PAPSS2: variants seen among roughly 807,000 people sequenced by gnomAD.
PAPSS2 encodes bifunctional 3'-phosphoadenosine 5'-phosphosulfate synthase 2.
In PAPSS2, 61 loss-of-function variants were observed where a neutral mutation model predicts 66.5. That is an observed-to-expected ratio of 0.92 (90% CI 0.75 to 1.14). The LOEUF is 1.14. PAPSS2 is among the 50% of genes most tolerant of loss of function. The pLI, the probability that PAPSS2 is intolerant of heterozygous loss-of-function variation, is 0.00. For missense variants in PAPSS2, 708 were observed against 789.6 expected, an observed-to-expected ratio of 0.90 and a Z score of 1.24; for synonymous variants, 289 against 287.5, an observed-to-expected ratio of 1.01 and a Z score of -0.05.
chr10:87,683,412 A>G (rs1853049100), intron 1 of PAPSS2, among the ~76,000 whole-genome samples: 1 of 152,152 alleles, frequency 6.6e-6, no homozygotes, highest in Admixed American at 6.5e-5. Context: ...TGCCTGGCCC[A>G]CAGCTATTTC....
intron 2 of PAPSS2, among the ~76,000 whole-genome samples, chr10:87,711,516 C>T (rs1378354548): frequency 6.6e-6 from 1 of 152,170 alleles, no homozygotes; most frequent in African/African-American, 2.4e-5. Context: ...TTCCCCTACC[C>T]CACAACCTGA....
chr10:87,739,322 G>C (rs1424556027), intron 9 of PAPSS2, among the ~76,000 whole-genome samples: 15 of 152,162 alleles, frequency 9.9e-5, no homozygotes. Flanking sequence ...TTTAAAAATA[G>C]GGTTTTAGCT....
At chr10:87,743,757 T>C in intron 11 of PAPSS2, 116 bp downstream of exon 11, 1 of 1,200,112 alleles carries the variant, frequency 8.3e-7, no homozygotes, top group Non-Finnish European at 1.2e-6. Flanking sequence ...GATTCTGGAA[T>C]GTTCTGGTGT....
rs1202704980 is a variant in PAPSS2 at position 87,734,404 on chromosome 10, AG to A, written c.1087-6829del. Among the ~76,000 whole-genome samples the A allele has an allele frequency of 2.6e-5, 4 of 152,084 alleles. No individual in the cohort carries two copies. In the East Asian group the frequency reaches 5.8e-4, roughly 22 times the overall value. On this transcript the variant is annotated intron_variant, in intron 9 of 12. Coordinates refer to ENST00000456849, the MANE Select transcript of PAPSS2 (RefSeq NM_001015880.2). ...GACTTGCCCCTTTCATACCTGTGAC[AG>A]GTGAAGCTGAAATGTCAATATGGGG...
In PAPSS2 at chr10:87,677,347, A is replaced by G. The variant is rs1459082928; in HGVS notation, c.27+17339A>G. ...TTTGTTTTACTTTCTTCTTCCTTCT[A>G]TATTATTTTGAAGTGAATTTGACTG... On this transcript the variant is annotated intron_variant, in intron 1 of 12. Coordinates refer to ENST00000456849, the MANE Select transcript of PAPSS2 (RefSeq NM_001015880.2). 2.0e-5 allele frequency among the ~76,000 whole-genome samples: 3 copies of G among 152,144 alleles called. No individual in the cohort carries two copies. The East Asian group carries it at 5.8e-4, about 29-fold the overall frequency.
At chr10:87,727,586 TG>T in intron 9 of PAPSS2, 97 bp downstream of exon 9, 2 of 996,750 alleles carry the variant, frequency 2.0e-6, no homozygotes, top group Non-Finnish European at 1.6e-6. Context: ...TTAGAAAAAC[TG>T]GGATTAGGTG....
chr10:87,674,311 C>T (rs1262426816), intron 1 of PAPSS2, among the ~76,000 whole-genome samples: 9 of 152,126 alleles, frequency 5.9e-5, no homozygotes. Flanking sequence ...ATTACAGGCA[C>T]GTGCCACCAC....
rs922044898 is a variant in PAPSS2, at chr10:87,663,221, C to T, written c.27+3213C>T. On this transcript the variant is annotated intron_variant, in intron 1 of 12. Coordinates refer to ENST00000456849, the MANE Select transcript of PAPSS2 (RefSeq NM_001015880.2). ...CCGCCTCCCGAGTTCAAGCAATTCT[C>T]CTGCCTCAGCCTCCCGAGTAGCTGG... Among the ~76,000 whole-genome samples the T allele has an allele frequency of 2.7e-5, 4 of 150,404 alleles. No homozygotes were observed. In the East Asian group the frequency reaches 5.9e-4, roughly 22 times the overall value.
intron 9 of PAPSS2, among the ~76,000 whole-genome samples, chr10:87,734,147 C>T (rs556444779): frequency 4.6e-5 from 7 of 152,116 alleles, no homozygotes; most frequent in Non-Finnish European, 8.8e-5. Flanking sequence ...TACAATTTAC[C>T]GCAAAGCCTC....
intron 9 of PAPSS2, among the ~76,000 whole-genome samples, chr10:87,732,735 A>G (rs905579958): frequency 6.6e-6 from 1 of 152,098 alleles, no homozygotes. Context: ...TTTTTTCATC[A>G]TGCCTTACAA....
intron 1 of PAPSS2, among the ~76,000 whole-genome samples, chr10:87,690,703 T>G (rs1032192096): frequency 6.6e-6 from 1 of 152,154 alleles, no homozygotes. Context: ...CCATTTTAAT[T>G]ATCATTAAAA....
At chr10:87,719,307 T>G (rs1304743605) in intron 7 of PAPSS2, among the ~76,000 whole-genome samples, 1 of 152,208 alleles carries the variant, frequency 6.6e-6, no homozygotes, top group Non-Finnish European at 1.5e-5. Flanking sequence ...GCCAAATTAC[T>G]TAAACTCTCT....
At chr10:87,718,946 T>C (rs1051787559) in intron 7 of PAPSS2, among the ~76,000 whole-genome samples, 2 of 152,164 alleles carry the variant, frequency 1.3e-5, no homozygotes, top group South Asian at 4.1e-4. Context: ...CCTTCCAAGC[T>C]GCAGGACCTG....
intron 1 of PAPSS2, among the ~76,000 whole-genome samples, chr10:87,660,716 G>T (rs1392127287): frequency 6.9e-6 from 1 of 144,028 alleles, no homozygotes; most frequent in Non-Finnish European, 1.5e-5. Context: ...AAAGAGAAAA[G>T]TTTCTTTCCC....
Position 87,709,312 on chromosome 10 carries a change from A to G in PAPSS2, c.144A>G (p.Thr48=). Residue 48 remains threonine, a splice_region_variant and synonymous_variant, in exon 2 of 13, where the codon ACA becomes ACG. Coordinates refer to ENST00000456849, the MANE Select transcript of PAPSS2 (RefSeq NM_001015880.2). ...GGFRGCTVWL[T]GLSGAGKTTI... is the part of the protein sequence containing the mutation. Reference sequence around the variant, plus strand: ...TCCGAGGATGTACCGTGTGGCTAACAGGTATGTCATGTTCATATATATATA... The same window carrying G: ...TCCGAGGATGTACCGTGTGGCTAACGGGTATGTCATGTTCATATATATATA... 4 of 1,533,928 alleles carry G rather than the reference A, an allele frequency of 2.6e-6. No individual in the cohort carries two copies. In the South Asian group the frequency reaches 3.4e-5, roughly 13 times the overall value.
chr10:87,736,255 CTTTCTTTCT>C (rs1853798035), intron 9 of PAPSS2, among the ~76,000 whole-genome samples: 3 of 129,328 alleles, frequency 2.3e-5, no homozygotes, highest in Non-Finnish European at 4.8e-5. Context: ...TTTTTCTTTT[CTTTCTTTCT>C]TTTTTTTTTT....
intron 1 of PAPSS2, among the ~76,000 whole-genome samples, chr10:87,690,091 A>G (rs984524400): frequency 6.6e-6 from 1 of 152,248 alleles, no homozygotes; most frequent in African/African-American, 2.4e-5. Context: ...ATCCACGTCT[A>G]GCAATTAATC....
At chr10:87,683,676 C>T (rs1472128168) in intron 1 of PAPSS2, among the ~76,000 whole-genome samples, 2 of 148,708 alleles carry the variant, frequency 1.3e-5, no homozygotes, top group African/African-American at 2.5e-5. Flanking sequence ...GTTTCTTCCA[C>T]TTATTGAGAT....
At chr10:87,669,592 C>T (rs1040669988) in intron 1 of PAPSS2, among the ~76,000 whole-genome samples, 1 of 152,186 alleles carries the variant, frequency 6.6e-6, no homozygotes, top group Non-Finnish European at 1.5e-5. Context: ...CATTAAAATT[C>T]CGATTGTGGA....
Sources: gnomAD v4.1 joint callset for allele counts (sites outside exome capture counted in the v4.1 genomes callset) on GRCh38, gnomAD v4.1.1 for gene constraint, MANE v1.5 for transcripts, NCBI Gene and HGNC (gene_info 2026-07-23, HGNC 2026-07-21) for gene names.